Variants in CAMK4 observed in about 807,000 individuals in gnomAD.
CAMK4 encodes calcium/calmodulin dependent protein kinase IV.
In CAMK4, 22 loss-of-function variants were observed where a neutral mutation model predicts 44.9. That is an observed-to-expected ratio of 0.49 (90% CI 0.35 to 0.70). The LOEUF is 0.70. Among genes scored for constraint, CAMK4 ranks in the 30% least tolerant of loss-of-function variants. The pLI is 0.01. For missense variants in CAMK4, 498 were observed against 586.8 expected (o/e 0.85, Z 1.56); for synonymous variants, 218 against 215.4 (o/e 1.01, Z -0.11).
At chr5:111,329,471 T>C (rs192096310) in intron 1 of CAMK4, among the ~76,000 whole-genome samples, 1 of 151,930 alleles carries the variant, frequency 6.6e-6, no homozygotes, top group African/African-American at 2.4e-5. Flanking sequence ...TCTTCCACCT[T>C]TTTATGAGGG....
At chr5:111,301,109 C>T (rs1207637466) in intron 1 of CAMK4, among the ~76,000 whole-genome samples, 1 of 151,654 alleles carries the variant, frequency 6.6e-6, no homozygotes, top group Non-Finnish European at 1.5e-5. Context: ...TGTTCAGGTG[C>T]CTTTTGTAAG....
intron 1 of CAMK4, among the ~76,000 whole-genome samples, chr5:111,309,069 T>G (rs1748085807): frequency 6.6e-6 from 1 of 152,180 alleles, no homozygotes; most frequent in Non-Finnish European, 1.5e-5. Context: ...CCTGAGTATC[T>G]TAGAGTCTTT....
At chr5:111,354,540 A>G (rs570054255) in intron 2 of CAMK4, among the ~76,000 whole-genome samples, 1 of 151,996 alleles carries the variant, frequency 6.6e-6, no homozygotes, top group Admixed American at 6.6e-5. Context: ...CACATTGTAC[A>G]CTAAATGTGT....
At chr5:111,273,458 T>C (rs1012925789) in intron 1 of CAMK4, among the ~76,000 whole-genome samples, 17 of 151,492 alleles carry the variant, frequency 1.1e-4, no homozygotes, top group Non-Finnish European at 2.4e-4. Flanking sequence ...ACCCAGTCTT[T>C]TATGTATACA....
At chr5:111,470,890 A>C (rs1196444692) in intron 7 of CAMK4, among the ~76,000 whole-genome samples, 1 of 152,248 alleles carries the variant, frequency 6.6e-6, no homozygotes, top group Non-Finnish European at 1.5e-5. Flanking sequence ...AAACAGTCTC[A>C]TATGAAACAC....
intron 2 of CAMK4, among the ~76,000 whole-genome samples, chr5:111,366,541 T>C (rs1300593231): frequency 6.6e-6 from 1 of 152,154 alleles, no homozygotes; most frequent in Non-Finnish European, 1.5e-5. Flanking sequence ...AAACTGGTTT[T>C]CCTTTAAGCC....
intron 1 of CAMK4, among the ~76,000 whole-genome samples, chr5:111,326,840 A>G (rs1008410833): frequency 6.6e-5 from 10 of 152,034 alleles, no homozygotes; most frequent in Non-Finnish European, 1.3e-4. Flanking sequence ...TTAATAAATT[A>G]TTATGTAATT....
At chr5:111,333,073 A>C (rs1187623725) in intron 1 of CAMK4, among the ~76,000 whole-genome samples, 2 of 151,718 alleles carry the variant, frequency 1.3e-5, no homozygotes, top group East Asian at 3.9e-4. Context: ...CTTCTATAAA[A>C]TCTAAATAGT....
At chr5:111,427,159 A>G (rs1276901769) in intron 5 of CAMK4, among the ~76,000 whole-genome samples, 1 of 152,138 alleles carries the variant, frequency 6.6e-6, no homozygotes, top group Non-Finnish European at 1.5e-5. Context: ...ATACCAGCTC[A>G]GCCACAGCAG....
intron 2 of CAMK4, 117 bp downstream of exon 2, chr5:111,344,219 A>C: frequency 3.4e-6 from 2 of 584,092 alleles, no homozygotes; most frequent in Middle Eastern, 3.3e-4. Context: ...AACCCATTTG[A>C]CTCTTGATTA....
At chr5:111,421,647 GT>G (rs1391099905) in intron 5 of CAMK4, among the ~76,000 whole-genome samples, 1 of 151,962 alleles carries the variant, frequency 6.6e-6, no homozygotes, top group African/African-American at 2.4e-5. Flanking sequence ...GGTTTGTCTT[GT>G]TTTTTTGTTT....
Position 111,491,700 on chromosome 5 carries a change from ATTT to A in CAMK4, c.*7235_*7237del, listed in dbSNP as rs1479780520. 1 of 152,180 alleles carries A rather than the reference ATTT, an allele frequency of 6.6e-6. No individual in the cohort carries two copies. Among genetic ancestry groups the A allele is most frequent in the African/African-American group, 2.4e-5 (1 of 41,456 alleles). The allele number at this position is 152,180 out of a possible 1,614,324, so 9.4% of individuals were successfully genotyped here. On this transcript the variant is annotated 3_prime_UTR_variant, in exon 11 of 11. Transcript: ENST00000282356. Reference sequence around the variant, plus strand: ...CATGTTTTAGAAATTTGATCCTTACATTTAAAATTATGTAAATGACATCTTTCA... The same window carrying A: ...CATGTTTTAGAAATTTGATCCTTACAAAAATTATGTAAATGACATCTTTCA...
In CAMK4 at chr5:111,410,963, G is replaced by A. The variant is rs142135257; in HGVS notation, c.459+16181G>A. The stretch of plus-strand genomic sequence containing the variant: ...TTGAAATTTCCAGATTAAAAAAGAA[G>A]GTACCTCCTGGTGCTTCATTTTCTT... On this transcript the variant is annotated intron_variant, in intron 5 of 10. Transcript: ENST00000282356. Among the ~76,000 whole-genome samples, 1,143 of 152,196 alleles carry A rather than the reference G, an allele frequency of 7.5e-3. 8 individuals carry two copies. Among genetic ancestry groups the A allele is most frequent in the Middle Eastern group, 0.014 (4 of 294 alleles).
intron 2 of CAMK4, among the ~76,000 whole-genome samples, chr5:111,369,112 C>A (rs1750907790): frequency 6.6e-6 from 1 of 151,382 alleles, no homozygotes; most frequent in African/African-American, 2.4e-5. Flanking sequence ...GTTGCCCAGG[C>A]TGGAGTGCAG....
At chr5:111,459,686 C>CTTTTTTTTTTTTTTTTTTTTTTTTTT (rs56176713) in intron 7 of CAMK4, among the ~76,000 whole-genome samples, 1 of 86,690 alleles carries the variant, frequency 1.2e-5, no homozygotes, top group African/African-American at 5.0e-5. Flanking sequence ...TAGAGACAGT[C>CTTTTTTTTTTTTTTTTTTTTTTTTTT]TTTTTTTTTT....
chr5:111,482,506 A>G lies in CAMK4; in HGVS notation c.829-279A>G, dbSNP rs1755467314. ...TGCCTTCAAAGAACTTCCAGTCCAC[A>G]GGCAAGTGAGGAGCTGTTTCTTGAC... On this transcript the variant is annotated intron_variant, in intron 9 of 10. Transcript: ENST00000282356. This position sits in a 1 kb window ranked among gnomAD's most constrained non-coding sequence, Gnocchi z 4.9. The G allele has an allele frequency of 3.9e-6, 1 of 256,176 alleles. No homozygotes were observed. Among genetic ancestry groups the G allele is most frequent in the African/African-American group, 2.2e-5 (1 of 45,172 alleles). 15.9% of individuals were successfully genotyped at this position (256,176 alleles called of 1,614,324 possible).
intron 7 of CAMK4, among the ~76,000 whole-genome samples, chr5:111,461,813 TA>T (rs3066731): frequency 0.04 from 2,742 of 69,078 alleles, 89 homozygotes; most frequent in African/African-American, 0.12. Flanking sequence ...GCCTCTATAG[TA>T]AAAAAAAAAA....
chr5:111,335,603 A>G (rs1749367993), intron 1 of CAMK4, among the ~76,000 whole-genome samples: 1 of 151,426 alleles, frequency 6.6e-6, no homozygotes, highest in Non-Finnish European at 1.5e-5. Flanking sequence ...GCCAACTGAC[A>G]GATGAAGAGC....
chr5:111,287,021 G>C (rs1751263411), intron 1 of CAMK4, among the ~76,000 whole-genome samples: 1 of 152,132 alleles, frequency 6.6e-6, no homozygotes, highest in African/African-American at 2.4e-5. Flanking sequence ...GGAAATCACA[G>C]GTAATCAAAT....
Sources: allele counts gnomAD v4.1 joint callset (sites outside exome capture counted in the v4.1 genomes callset), GRCh38; gene constraint gnomAD v4.1.1; non-coding constraint Gnocchi (gnomAD v3.1); transcripts MANE v1.5; gene names NCBI Gene and HGNC (gene_info 2026-07-23, HGNC 2026-07-21).